Variants in NFATC2 observed in about 807,000 individuals in gnomAD.
NFATC2 encodes nuclear factor of activated T-cells, cytoplasmic 2.
A neutral mutation model predicts 87.3 loss-of-function variants in NFATC2; 22 were observed. That is an observed-to-expected ratio of 0.25 (90% CI 0.18 to 0.36). The LOEUF is 0.36. NFATC2 is among the 10% of genes least tolerant of loss of function. The pLI, the probability that NFATC2 is intolerant of heterozygous loss-of-function variation, is 1.00. For synonymous variants in NFATC2, 565 were observed against 542.2 expected (o/e 1.04, Z -0.58); for missense variants, 1,149 against 1,259.1 (o/e 0.91, Z 1.32).
chr20:51,474,667 C>G (rs1198614854), intron 4 of NFATC2, among the ~76,000 whole-genome samples: 2 of 152,094 alleles, frequency 1.3e-5, no homozygotes, highest in Middle Eastern at 3.2e-3. Context: ...CTGGGAAAGC[C>G]GAGGGGGCAG....
intron 2 of NFATC2, 141 bp downstream of exon 2, chr20:51,522,940 C>T (rs946555309): frequency 3.3e-6 from 4 of 1,196,376 alleles, no homozygotes; most frequent in Non-Finnish European, 4.7e-6. Context: ...CTCAGGGTCT[C>T]GCAACCAGCA....
chr20:51,562,654 G>T (rs747079025), upstream of NFATC2: 5 of 1,548,100 alleles, frequency 3.2e-6, no homozygotes, highest in South Asian at 1.2e-5. The surrounding 1 kb of genome is among the most constrained non-coding windows in gnomAD (Gnocchi z 5.8). Context: ...GACTTGGCGC[G>T]TGTTTGGAAA....
At chr20:51,469,542 TTCACA>T (rs1988005425) in intron 5 of NFATC2, among the ~76,000 whole-genome samples, 1 of 152,174 alleles carries the variant, frequency 6.6e-6, no homozygotes, top group South Asian at 2.1e-4. Flanking sequence ...CCCTGCAAAC[TTCACA>T]TCCACCCACA....
At chr20:51,440,236 CAA>C (rs34071345) in intron 6 of NFATC2, among the ~76,000 whole-genome samples, 12 of 97,204 alleles carry the variant, frequency 1.2e-4, no homozygotes, top group East Asian at 6.2e-4. Context: ...AACTCCATCT[CAA>C]AAAAAAAAAA....
Position 51,473,941 on chromosome 20 carries a change from G to A in NFATC2, c.1708+39C>T, listed in dbSNP as rs201111723. 5.1e-5 allele frequency: 82 copies of A among 1,602,652 alleles called. No homozygotes were observed. In the African/African-American group the frequency reaches 8.0e-4, roughly 16 times the overall value. On this transcript the variant is annotated intron_variant, in intron 5 of 10. Coordinates refer to ENST00000371564, the MANE Select transcript of NFATC2 (RefSeq NM_012340.5). ...CCCGGGGGAAGCCCACGTGCCCTACGCTTTCTGAAGAAAGACCGGGCCCCA... is the reference window on the plus strand; with the variant it reads ...CCCGGGGGAAGCCCACGTGCCCTACACTTTCTGAAGAAAGACCGGGCCCCA...
intron 5 of NFATC2, among the ~76,000 whole-genome samples, chr20:51,456,741 G>A (rs1275424521): frequency 2.0e-5 from 3 of 152,202 alleles, no homozygotes; most frequent in East Asian, 1.9e-4. Flanking sequence ...CTCCCCATCC[G>A]CGAGCCTGGG....
rs1391028400 is a variant in NFATC2, at chr20:51,480,995, G to C, written c.1333-5335C>G. Among the ~76,000 whole-genome samples, 1 of 152,182 alleles carries C rather than the reference G, an allele frequency of 6.6e-6. No individual in the cohort carries two copies. The highest frequency in any genetic ancestry group is 2.4e-5 in the African/African-American group (1 of 41,452). ...TTCTCAGTGGGCTGGCTCAACAGTT[G>C]CCGGCTTGGAGTGTCAGAGGAAAGA... On this transcript the variant is annotated intron_variant, in intron 3 of 10. Coordinates refer to ENST00000371564, the MANE Select transcript of NFATC2 (RefSeq NM_012340.5). This position sits in a 1 kb window ranked among gnomAD's most constrained non-coding sequence, Gnocchi z 4.2.
intron 10 of NFATC2, among the ~76,000 whole-genome samples, chr20:51,398,276 C>T (rs910436236): frequency 2.0e-5 from 3 of 152,128 alleles, no homozygotes; most frequent in South Asian, 2.1e-4. Context: ...TCCCCAGTGC[C>T]GGACACCCAC....
intron 6 of NFATC2, among the ~76,000 whole-genome samples, chr20:51,440,476 C>T (rs1984179841): frequency 6.6e-6 from 1 of 152,166 alleles, no homozygotes; most frequent in South Asian, 2.1e-4. Flanking sequence ...TATGAAGCGA[C>T]GAAGTCTGTT....
intron 3 of NFATC2, among the ~76,000 whole-genome samples, chr20:51,511,477 T>A (rs1158963789): frequency 6.6e-6 from 1 of 152,216 alleles, no homozygotes; most frequent in Admixed American, 6.5e-5. Context: ...AGCTCATATA[T>A]CCAACTGTTT....
intron 9 of NFATC2, among the ~76,000 whole-genome samples, chr20:51,415,439 C>G (rs1161919075): frequency 2.0e-5 from 3 of 152,094 alleles, no homozygotes; most frequent in Middle Eastern, 6.3e-3. Context: ...GACCCGGCTT[C>G]CTGAAGACAG....
At chr20:51,491,143 G>A (rs907980757) in intron 3 of NFATC2, among the ~76,000 whole-genome samples, 2 of 152,172 alleles carry the variant, frequency 1.3e-5, no homozygotes, top group African/African-American at 4.8e-5. Context: ...TTCAGAGAGA[G>A]GACTAGAAAA....
chr20:51,394,347 C>T (rs994898536), intron 10 of NFATC2, among the ~76,000 whole-genome samples: 6 of 152,082 alleles, frequency 3.9e-5, no homozygotes, highest in Admixed American at 6.5e-5. Flanking sequence ...ACCCCAGTGC[C>T]CTTTCACCAT....
Position 51,432,654 on chromosome 20 carries a change from G to A in NFATC2, c.2135C>T (p.Pro712Leu), listed in dbSNP as rs766401507. 1.7e-5 allele frequency: 26 copies of A among 1,546,634 alleles called. No individual in the cohort carries two copies. Among genetic ancestry groups the A allele is most frequent in the South Asian group, 3.7e-5 (3 of 81,358 alleles). Residue 712 changes from proline to leucine, a missense_variant, in exon 9 of 11, where the codon CCG (proline) becomes CTG (leucine). Pro to Leu is a moderately conservative substitution (Grantham distance 98, BLOSUM62 -3). Around this residue, in one of 3 missense-constraint regions of NFATC2, gnomAD observed 581 missense variants for 649.7 expected, o/e 0.89. Coordinates refer to ENST00000371564, the MANE Select transcript of NFATC2 (RefSeq NM_012340.5). The surrounding 1 kb of genome is among the most constrained non-coding windows in gnomAD (Gnocchi z 4.6). ...LGSQPYYPQH[P>L]MVAESPSCLV... The stretch of plus-strand genomic sequence containing the variant: ...GCAGGAGGGGGACTCGGCCACCATC[G>A]GGTGCTGGGGGTAGTAAGGCTGGCT...
chr20:51,525,128 A>G (rs1020165672), intron 1 of NFATC2, among the ~76,000 whole-genome samples: 2 of 152,164 alleles, frequency 1.3e-5, no homozygotes, highest in Non-Finnish European at 2.9e-5. Context: ...GCTGAGGCAC[A>G]AGAATCGCTT....
rs140607136 is a variant in NFATC2, at chr20:51,492,900, G to A, written c.1333-17240C>T. ...CCTTTCATGTCGCCCTGGGTTCCTC[G>A]GTCAGCGACGTATCCACGGGCTCAT... is the stretch of plus-strand genomic sequence containing the variant. On this transcript the variant is annotated intron_variant, in intron 3 of 10. Transcript: ENST00000371564. Among the ~76,000 whole-genome samples, 624 of 152,336 alleles carry A rather than the reference G, an allele frequency of 4.1e-3. 3 individuals carry two copies. The highest frequency in any genetic ancestry group is 6.8e-3 in the Middle Eastern group (2 of 294).
In NFATC2 at chr20:51,523,177, C is replaced by A. The variant is rs1356491020; in HGVS notation, c.1064G>T (p.Cys355Phe). 6.2e-7 allele frequency: 1 copy of A among 1,614,212 alleles called. No individual in the cohort carries two copies. The highest frequency in any genetic ancestry group is 8.5e-7 in the Non-Finnish European group (1 of 1,180,034). Residue 355 changes from cysteine (C) to phenylalanine (F), a missense_variant, in exon 2 of 11, where the codon TGC becomes TTC. By Grantham distance (205) the Cys-to-Phe change is radical (BLOSUM62 -2). This residue lies in a region of NFATC2 where 563 missense variants were observed against 585.2 expected (regional missense o/e 0.96). Transcript: ENST00000371564. The surrounding 1 kb of genome is among the most constrained non-coding windows in gnomAD (Gnocchi z 6.9). Reference sequence around the variant, plus strand: ...CGAGTTTCTCCTCTCGCCCTGCTCGCAGGGCCCCAGGAACTCCACGGCCGG... The same window carrying A: ...CGAGTTTCTCCTCTCGCCCTGCTCGAAGGGCCCCAGGAACTCCACGGCCGG... Reference protein sequence around the residue: ...IYPAVEFLGPCEQGERRNSAP... With the variant: ...IYPAVEFLGPFEQGERRNSAP...
chr20:51,400,355 C>G (rs529033897), intron 9 of NFATC2, among the ~76,000 whole-genome samples: 3 of 151,868 alleles, frequency 2.0e-5, no homozygotes, highest in Non-Finnish European at 4.4e-5. Flanking sequence ...AGGAGTCGTT[C>G]GAATCTAGTT....
At chr20:51,494,571 C>T (rs1394921766) in intron 3 of NFATC2, among the ~76,000 whole-genome samples, 1 of 152,072 alleles carries the variant, frequency 6.6e-6, no homozygotes, top group South Asian at 2.1e-4. Context: ...GAGCTGAACA[C>T]GGCTCCATCC....
Sources: gnomAD v4.1 joint callset for allele counts (sites outside exome capture counted in the v4.1 genomes callset) on GRCh38, gnomAD v4.1.1 for gene constraint, gnomAD v4.1.1 regional missense constraint, Gnocchi (gnomAD v3.1) non-coding constraint, MANE v1.5 for transcripts, NCBI Gene and HGNC (gene_info 2026-07-23, HGNC 2026-07-21) for gene names.